Variants in COQ8B observed in about 807,000 individuals in gnomAD.
COQ8B encodes coenzyme Q8B.
In COQ8B, 44 loss-of-function variants were observed where a neutral mutation model predicts 62.0. The ratio of observed to expected loss-of-function variants is 0.71; its 90% CI spans 0.56 to 0.91. The LOEUF (loss-of-function observed/expected upper bound fraction) is 0.91, where lower values mean the gene tolerates loss of function less well. COQ8B is among the 40% of genes least tolerant of loss of function. COQ8B has a pLI of 0.00. For missense variants in COQ8B, 649 were observed against 731.6 expected, an observed-to-expected ratio of 0.89 and a Z score of 1.30; for synonymous variants, 252 against 289.9, an observed-to-expected ratio of 0.87 and a Z score of 1.33.
chr19:40,697,851 T>TAGAGAGAGAGAG lies in COQ8B; in HGVS notation c.1144-1809_1144-1798dup, dbSNP rs1290386996. ...ATATATATATATATATATATATATATAGAGAGAGAGAGAGAGAGAGAGAGA... is the reference window on the plus strand; with the variant it reads ...ATATATATATATATATATATATATATAGAGAGAGAGAGAGAGAGAGAGAGAGAGAGAGAGAGA... On this transcript the variant is annotated intron_variant, in intron 12 of 14. Coordinates refer to ENST00000324464, the MANE Select transcript of COQ8B (RefSeq NM_024876.4). Among the ~76,000 whole-genome samples, 23 of 54,726 alleles carry TAGAGAGAGAGAG rather than the reference T, an allele frequency of 4.2e-4. 2 individuals are homozygous for TAGAGAGAGAGAG. Among genetic ancestry groups the TAGAGAGAGAGAG allele is most frequent in the African/African-American group, 2.2e-3 (23 of 10,224 alleles). 35.9% of individuals were successfully genotyped at this position (54,726 alleles called of 152,430 possible). A position where few individuals can be genotyped will look rare whatever the true frequency, so the allele number is the denominator to read the frequency against.
At chr19:40,699,778 T>C (rs988440348) in intron 12 of COQ8B, among the ~76,000 whole-genome samples, 6 of 152,204 alleles carry the variant, frequency 3.9e-5, no homozygotes, top group Admixed American at 6.5e-5. Flanking sequence ...CAGGATGAGC[T>C]TAGTGTATTT....
chr19:40,700,267 C>T (rs1264107003), intron 11 of COQ8B, 43 bp downstream of exon 11: 2 of 1,611,098 alleles, frequency 1.2e-6, no homozygotes, highest in Non-Finnish European at 1.7e-6. Flanking sequence ...GGCCCACCCG[C>T]CCTGGGGCCA....
intron 10 of COQ8B, among the ~76,000 whole-genome samples, chr19:40,702,363 T>C (rs937329248): frequency 6.6e-6 from 1 of 152,088 alleles, no homozygotes; most frequent in African/African-American, 2.4e-5. Flanking sequence ...ACAGTGGATA[T>C]GCGGCCCATC....
chr19:40,694,928 A>G (rs1039185991), intron 13 of COQ8B, among the ~76,000 whole-genome samples: 1 of 152,038 alleles, frequency 6.6e-6, no homozygotes, highest in Non-Finnish European at 1.5e-5. Flanking sequence ...CTCACTGACT[A>G]TGAGTTCTGT....
chr19:40,692,307 A>G lies in COQ8B; in HGVS notation c.1363T>C (p.Tyr455His). ...LGEPFATQGP[Y>H]DFGSGETARR... Reference sequence around the variant, plus strand: ...GCCGTTTCCCCCGACCCAAAGTCATAAGGGCCCTGGGTGGCGAAAGGCTCC... The same window carrying G: ...GCCGTTTCCCCCGACCCAAAGTCATGAGGGCCCTGGGTGGCGAAAGGCTCC... The change falls in exon 15 of 15, where the codon TAT becomes CAT. Residue 455 changes from tyrosine (Y) to histidine (H), a missense_variant. Tyr to His is a moderately conservative substitution (Grantham distance 83). Transcript: ENST00000324464. The G allele has an allele frequency of 1.9e-6, 3 of 1,613,672 alleles. No homozygotes were observed. The highest frequency in any genetic ancestry group is 2.2e-5 in the East Asian group (1 of 44,862).
intron 5 of COQ8B, among the ~76,000 whole-genome samples, chr19:40,709,251 G>A (rs2082122822): frequency 6.6e-6 from 1 of 152,168 alleles, no homozygotes; most frequent in Non-Finnish European, 1.5e-5. Context: ...TCTCCAAAAA[G>A]TCTTTCATGG....
At chr19:40,708,642 T>C (rs2082118261) in intron 5 of COQ8B, among the ~76,000 whole-genome samples, 1 of 151,934 alleles carries the variant, frequency 6.6e-6, no homozygotes, top group Non-Finnish European at 1.5e-5. Flanking sequence ...GAAAAAAATA[T>C]CCAGGCTGGG....
chr19:40,700,380 A>T lies in COQ8B; in HGVS notation c.965T>A (p.Leu322Gln), dbSNP rs1433066805. Residue 322 changes from leucine to glutamine, a missense_variant, in exon 11 of 15, where the codon CTG (leucine) becomes CAG (glutamine). Physicochemically the swap from Leu to Gln is moderately radical, Grantham distance 113. Coordinates refer to ENST00000324464, the MANE Select transcript of COQ8B (RefSeq NM_024876.4). ...VVKELCTTRVLGMELAGGVPL... is the reference protein window; with the variant it reads ...VVKELCTTRVQGMELAGGVPL... ...GACCCCTCCAGCCAGCTCCATGCCC[A>T]GCACCCGTGTCGTGCACAGCTCCTT... 1 of 1,614,198 alleles carries T rather than the reference A, an allele frequency of 6.2e-7. No homozygotes were observed. The highest frequency in any genetic ancestry group is 8.5e-7 in the Non-Finnish European group (1 of 1,180,038).
At chr19:40,713,548 CAAA>C (rs59738172) in intron 4 of COQ8B, among the ~76,000 whole-genome samples, 3 of 90,322 alleles carry the variant, frequency 3.3e-5, no homozygotes, top group Admixed American at 1.2e-4. Flanking sequence ...TACTCCGTCT[CAAA>C]AAAAAAAAAA....
intron 10 of COQ8B, 191 bp from the exon 11 acceptor site, chr19:40,700,642 C>T: frequency 1.5e-6 from 1 of 683,286 alleles, no homozygotes; most frequent in East Asian, 2.8e-5. Context: ...TAACAAGTAT[C>T]TCCAAGGTGC....
intron 4 of COQ8B, among the ~76,000 whole-genome samples, chr19:40,712,191 C>A (rs748633514): frequency 3.9e-5 from 6 of 152,044 alleles, no homozygotes; most frequent in Non-Finnish European, 8.8e-5. Flanking sequence ...ATAATCCCAG[C>A]ACTTTGGGAG....
chr19:40,697,785 A>G (rs1189765537), intron 12 of COQ8B, among the ~76,000 whole-genome samples: 2 of 149,174 alleles, frequency 1.3e-5, no homozygotes, highest in Admixed American at 6.7e-5. Context: ...TCTCAACAAG[A>G]GCAAAACTCT....
In COQ8B at chr19:40,716,853, G is replaced by C. The variant is rs186028412; in HGVS notation, c.-270C>G. 13 of 211,854 alleles carry C rather than the reference G, an allele frequency of 6.1e-5. 1 individual carries two copies. Among genetic ancestry groups the C allele is most frequent in the Admixed American group, 3.6e-4 (6 of 16,892 alleles). 13.1% of individuals were successfully genotyped at this position (211,854 alleles called of 1,614,324 possible). ...GCGCCACCAGGACCCCGGTGCCCTA[G>C]ATGCATACCTGGCCGCGCTTCGGAT... On this transcript the variant is annotated 5_prime_UTR_variant, in exon 1 of 15. In the 5' UTR this introduces an upstream ATG that the reference lacks. Coordinates refer to ENST00000324464, the MANE Select transcript of COQ8B (RefSeq NM_024876.4).
rs58313890 is a variant in COQ8B at position 40,697,875 on chromosome 19, G to GAGAGAGGC, written c.1144-1822_1144-1821insGCCTCTCT. Among the ~76,000 whole-genome samples, 555 of 103,268 alleles carry GAGAGAGGC rather than the reference G, an allele frequency of 5.4e-3. 12 individuals are homozygous for GAGAGAGGC. Among genetic ancestry groups the GAGAGAGGC allele is most frequent in the African/African-American group, 0.012 (288 of 23,584 alleles). 67.7% of individuals were successfully genotyped at this position (103,268 alleles called of 152,430 possible). On this transcript the variant is annotated intron_variant, in intron 12 of 14. Coordinates refer to ENST00000324464, the MANE Select transcript of COQ8B (RefSeq NM_024876.4). Reference sequence around the variant, plus strand: ...ATAGAGAGAGAGAGAGAGAGAGAGAGAGTTTCTACTGGGCGTTCATGCAAA... The same window carrying GAGAGAGGC: ...ATAGAGAGAGAGAGAGAGAGAGAGAGAGAGAGGCAGTTTCTACTGGGCGTTCATGCAAA...
intron 2 of COQ8B, 28 bp downstream of exon 2, chr19:40,714,503 C>T: frequency 6.2e-7 from 1 of 1,613,864 alleles, no homozygotes; most frequent in African/African-American, 1.3e-5. Context: ...GCCTCTTCCC[C>T]TTGGGGACCT....
At chr19:40,697,223 C>T (rs921305740) in intron 12 of COQ8B, among the ~76,000 whole-genome samples, 4 of 152,084 alleles carry the variant, frequency 2.6e-5, no homozygotes, top group East Asian at 1.9e-4. Flanking sequence ...GTGATCCTCC[C>T]GCCTCAGCCT....
chr19:40,704,985 G>A, intron 7 of COQ8B, 111 bp downstream of exon 7: 1 of 1,021,920 alleles, frequency 9.8e-7, no homozygotes, highest in Non-Finnish European at 1.4e-6. Flanking sequence ...TTTACAGATG[G>A]GGAAAGTGAG....
In COQ8B at chr19:40,713,996, C is replaced by T; in HGVS notation, c.289+71G>A. 4 of 1,517,932 alleles carry T rather than the reference C, an allele frequency of 2.6e-6. No individual in the cohort carries two copies. In the South Asian group the frequency reaches 4.6e-5, roughly 17 times the overall value. 94.0% of individuals were successfully genotyped at this position (1,517,932 alleles called of 1,614,324 possible). A position where few individuals can be genotyped will look rare whatever the true frequency, so the allele number is the denominator to read the frequency against. On this transcript the variant is annotated intron_variant, in intron 4 of 14. Coordinates refer to ENST00000324464, the MANE Select transcript of COQ8B (RefSeq NM_024876.4). ...TTTCCTGTCTCTGATTCATCCTCTC[C>T]CTTGCTTCAATCTGTAAATGTTGCC...
chr19:40,716,811 G>A lies in COQ8B; in HGVS notation c.-228C>T. 1 of 174,750 alleles carries A rather than the reference G, an allele frequency of 5.7e-6. No homozygotes were observed. The highest frequency in any genetic ancestry group is 1.2e-5 in the Non-Finnish European group (1 of 82,966). 10.8% of individuals were successfully genotyped at this position (174,750 alleles called of 1,614,324 possible). A position where few individuals can be genotyped will look rare whatever the true frequency, so the allele number is the denominator to read the frequency against. The stretch of plus-strand genomic sequence containing the variant: ...GGGTGGTTTAGTCACAGGGGTGGAG[G>A]GAGGGGGCCCACTGGCGCGCCACCA... On this transcript the variant is annotated 5_prime_UTR_variant, in exon 1 of 15. Coordinates refer to ENST00000324464, the MANE Select transcript of COQ8B (RefSeq NM_024876.4).
Sources: allele counts gnomAD v4.1 joint callset (sites outside exome capture counted in the v4.1 genomes callset), GRCh38; gene constraint gnomAD v4.1.1; transcripts MANE v1.5; gene names NCBI Gene and HGNC (gene_info 2026-07-23, HGNC 2026-07-21).